Variants in FMN2 observed in about 807,000 individuals in gnomAD.
FMN2 encodes the protein formin-2.
Under a neutral mutation model 142.3 loss-of-function variants are expected in FMN2, and 51 were observed. That is an observed-to-expected ratio of 0.36 (90% CI 0.29 to 0.45). The LOEUF (loss-of-function observed/expected upper bound fraction) is 0.45, where lower values mean the gene tolerates loss of function less well. Among genes scored for constraint, FMN2 ranks in the 20% least tolerant of loss-of-function variants. FMN2 has a pLI of 1.00. For synonymous variants in FMN2, 882 were observed against 869.8 expected (o/e 1.01, Z -0.25); for missense variants, 1,936 against 2,122.8 (o/e 0.91, Z 1.73).
intron 14 of FMN2, among the ~76,000 whole-genome samples, chr1:240,361,178 T>TATATATATATAC (rs1558452680): frequency 1.0e-5 from 1 of 97,840 alleles, no homozygotes; most frequent in Non-Finnish European, 2.3e-5. Context: ...TATATATATA[T>TATATATATATAC]ATATATAAAA....
At chr1:240,305,952 T>G (rs746755477) in intron 8 of FMN2, among the ~76,000 whole-genome samples, 1 of 79,332 alleles carries the variant, frequency 1.3e-5, no homozygotes, top group East Asian at 4.2e-4. Flanking sequence ...TGCTTGTAAG[T>G]TTTTTTTTTT....
chr1:240,093,383 AGCTCAGCTCGCCCAAT>A lies in FMN2; in HGVS notation c.1275_1290del (p.Gln425HisfsTer22). The A allele has an allele frequency of 6.2e-7, 1 of 1,613,242 alleles. No homozygotes were observed. The highest frequency in any genetic ancestry group is 8.5e-7 in the Non-Finnish European group (1 of 1,179,632). On this transcript the variant is annotated frameshift_variant, in exon 1 of 18. Coordinates refer to ENST00000319653, the MANE Select transcript of FMN2 (RefSeq NM_020066.5). LOFTEE classifies it high-confidence loss of function. Reference sequence around the variant, plus strand: ...TGCTACATCAAGACCACCACCCGGCAGCTCAGCTCGCCCAATCACTCCCCGTCTCAGTCCCCTAATC... The same window carrying A: ...TGCTACATCAAGACCACCACCCGGCACACTCCCCGTCTCAGTCCCCTAATC...
intron 7 of FMN2, among the ~76,000 whole-genome samples, chr1:240,291,196 A>G (rs1241133411): frequency 1.3e-5 from 2 of 152,204 alleles, no homozygotes; most frequent in African/African-American, 2.4e-5. Context: ...CTGGAAATGT[A>G]GCATATTTGA....
chr1:240,242,539 T>C (rs1227958764), intron 6 of FMN2, among the ~76,000 whole-genome samples: 1 of 152,144 alleles, frequency 6.6e-6, no homozygotes, highest in East Asian at 1.9e-4. Flanking sequence ...TGAAACAACC[T>C]ACTCAGTTGA....
chr1:240,472,703 T>C (rs1676850169), intron 17 of FMN2, among the ~76,000 whole-genome samples: 1 of 151,990 alleles, frequency 6.6e-6, no homozygotes, highest in Non-Finnish European at 1.5e-5. Context: ...TTCCAGCACT[T>C]TGGGAGGCCG....
intron 13 of FMN2, among the ~76,000 whole-genome samples, chr1:240,350,673 T>A (rs1435379513): frequency 1.3e-5 from 2 of 152,218 alleles, no homozygotes; most frequent in African/African-American, 4.8e-5. Flanking sequence ...TGGACTTGCA[T>A]CCAGATCCGT....
At position 240,389,790 on chromosome 1, in the gene FMN2, A is replaced by C. The variant is rs544001364; in HGVS notation, c.4859-2721A>C. Among the ~76,000 whole-genome samples the C allele has an allele frequency of 2.0e-5, 3 of 152,180 alleles. No homozygotes were observed. The East Asian group carries it at 5.8e-4, about 29-fold the overall frequency. The stretch of plus-strand genomic sequence containing the variant: ...AACATAGCGAGACCTCCATCTCTAC[A>C]AAAAATAGATTGAAAAATTTAGCCA... On this transcript the variant is annotated intron_variant, in intron 14 of 17. Transcript: ENST00000319653.
intron 1 of FMN2, among the ~76,000 whole-genome samples, chr1:240,117,170 G>A (rs1229591820): frequency 6.6e-6 from 1 of 152,206 alleles, no homozygotes; most frequent in African/African-American, 2.4e-5. Flanking sequence ...AGGAAGACAA[G>A]TGTGAGCATT....
rs369841156 is a variant in FMN2 at position 240,115,510 on chromosome 1, C to T, written c.1616-7669C>T. 7.2e-5 allele frequency among the ~76,000 whole-genome samples: 11 copies of T among 152,320 alleles called. No homozygotes were observed. The East Asian group carries it at 1.5e-3, about 21-fold the overall frequency. On this transcript the variant is annotated intron_variant, in intron 1 of 17. Transcript: ENST00000319653. Reference sequence around the variant, plus strand: ...ACTGACACACATTGCCAAATTGCCCCTTAAAGCTTTCCTTGTCGGTGCTGA... The same window carrying T: ...ACTGACACACATTGCCAAATTGCCCTTTAAAGCTTTCCTTGTCGGTGCTGA...
chr1:240,351,492 T>C (rs1223980219), intron 13 of FMN2, among the ~76,000 whole-genome samples: 1 of 152,140 alleles, frequency 6.6e-6, no homozygotes, highest in Admixed American at 6.6e-5. Context: ...GGAAATTCTA[T>C]AAATTAGGGG....
At chr1:240,119,657 T>C (rs1174387786) in intron 1 of FMN2, among the ~76,000 whole-genome samples, 3 of 152,212 alleles carry the variant, frequency 2.0e-5, no homozygotes, top group Non-Finnish European at 4.4e-5. Context: ...GATAGGGTTG[T>C]GGTACAGAGA....
At chr1:240,388,079 G>C (rs1046504544) in intron 14 of FMN2, among the ~76,000 whole-genome samples, 2 of 150,108 alleles carry the variant, frequency 1.3e-5, no homozygotes, top group African/African-American at 4.9e-5. Flanking sequence ...TCAGGAGGCT[G>C]AGGCAGGAGA....
At chr1:240,181,193 G>A (rs542675225) in intron 3 of FMN2, among the ~76,000 whole-genome samples, 13 of 151,174 alleles carry the variant, frequency 8.6e-5, no homozygotes, top group Admixed American at 7.9e-4. Flanking sequence ...TTGTAGAAAC[G>A]GGGTTTCACC....
intron 3 of FMN2, chr1:240,180,188 G>A (rs569809429): frequency 3.9e-6 from 5 of 1,279,220 alleles, no homozygotes; most frequent in South Asian, 1.3e-5. Flanking sequence ...GAGGTAAGAA[G>A]TAATTTAACT....
At chr1:240,386,688 T>C (rs1673415787) in intron 14 of FMN2, among the ~76,000 whole-genome samples, 1 of 152,132 alleles carries the variant, frequency 6.6e-6, no homozygotes, top group East Asian at 1.9e-4. Context: ...GGTAGAAATG[T>C]GGAGTCGGAT....
At chr1:240,282,804 T>C (rs1669446913) in intron 7 of FMN2, among the ~76,000 whole-genome samples, 3 of 152,222 alleles carry the variant, frequency 2.0e-5, no homozygotes, top group Admixed American at 6.5e-5. Flanking sequence ...CTTTGAAATA[T>C]GAGTTTTCAT....
At chr1:240,127,287 G>C (rs887254320) in intron 2 of FMN2, among the ~76,000 whole-genome samples, 1 of 151,822 alleles carries the variant, frequency 6.6e-6, no homozygotes, top group Non-Finnish European at 1.5e-5. Context: ...TGGCCAGGCT[G>C]GTCTTGAACT....
At chr1:240,466,912 C>A (rs1487008910) in intron 16 of FMN2, among the ~76,000 whole-genome samples, 1 of 152,124 alleles carries the variant, frequency 6.6e-6, no homozygotes, top group Admixed American at 6.6e-5. Context: ...GCCTGTAAGT[C>A]CAGGAACTCC....
chr1:240,294,654 G>C (rs1266397747), intron 7 of FMN2, among the ~76,000 whole-genome samples, 168 bp from the exon 8 acceptor site: 1 of 152,150 alleles, frequency 6.6e-6, no homozygotes, highest in East Asian at 1.9e-4. Context: ...TTGACACCTG[G>C]CCCAGCGAAA....
Sources: allele counts gnomAD v4.1 joint callset (sites outside exome capture counted in the v4.1 genomes callset), GRCh38; gene constraint gnomAD v4.1.1; transcripts MANE v1.5; gene names NCBI Gene and HGNC (gene_info 2026-07-23, HGNC 2026-07-21).